PRDM16: variants seen among roughly 807,000 people sequenced by gnomAD.
PRDM16 encodes histone-lysine N-methyltransferase PRDM16.
Under a neutral mutation model 110.6 loss-of-function variants are expected in PRDM16, and 23 were observed. The ratio of observed to expected loss-of-function variants is 0.21; its 90% CI spans 0.15 to 0.29. The LOEUF is 0.29. PRDM16 is among the 10% of genes least tolerant of loss of function. PRDM16 has a pLI of 1.00. For synonymous variants in PRDM16, 799 were observed against 781.8 expected, an observed-to-expected ratio of 1.02 and a Z score of -0.37; for missense variants, 1,615 against 1,794.3, an observed-to-expected ratio of 0.90 and a Z score of 1.81.
intron 3 of PRDM16, among the ~76,000 whole-genome samples, chr1:3,376,329 C>G (rs1642989592): frequency 6.6e-6 from 1 of 152,178 alleles, no homozygotes; most frequent in African/African-American, 2.4e-5. Context: ...CAGATCTGCC[C>G]AGCACTGACA....
At position 3,435,637 on chromosome 1, in the gene PRDM16, C is replaced by T. The variant is rs1281497108; in HGVS notation, c.*1826C>T. The T allele has an allele frequency of 1.3e-5, 3 of 232,974 alleles. No homozygotes were observed. The highest frequency in any genetic ancestry group is 2.5e-5 in the Non-Finnish European group (3 of 117,916). The allele number at this position is 232,974 out of a possible 1,614,324, so 14.4% of individuals were successfully genotyped here. A position where few individuals can be genotyped will look rare whatever the true frequency, so the allele number is the denominator to read the frequency against. Reference sequence around the variant, plus strand: ...TAAATACAAACAGGAGTGGTGCAAGCCGCCTTGGTGTGGGTTTGTGTCACG... The same window carrying T: ...TAAATACAAACAGGAGTGGTGCAAGTCGCCTTGGTGTGGGTTTGTGTCACG... On this transcript the variant is annotated 3_prime_UTR_variant, in exon 17 of 17. Coordinates refer to ENST00000270722, the MANE Select transcript of PRDM16 (RefSeq NM_022114.4).
chr1:3,426,058 G>A lies in PRDM16; in HGVS notation c.3117G>A (p.Gln1039=), dbSNP rs753054344. The change falls in exon 14 of 17, where the codon CAG becomes CAA. Residue 1039 remains glutamine, a synonymous_variant. Transcript: ENST00000270722. ...KHEHENAPVS[Q]HPGVLTNHLG... ...GCTCCCGCCCCTCCGCAGTGAGCCAGCACCCCGGGGTCCTCACGAACCACC... is the reference window on the plus strand; with the variant it reads ...GCTCCCGCCCCTCCGCAGTGAGCCAACACCCCGGGGTCCTCACGAACCACC... 2.5e-6 allele frequency: 4 copies of A among 1,612,428 alleles called. No homozygotes were observed. Among genetic ancestry groups the A allele is most frequent in the Admixed American group, 1.7e-5 (1 of 59,858 alleles).
chr1:3,098,700 G>T (rs921920468), intron 1 of PRDM16, among the ~76,000 whole-genome samples: 1 of 152,230 alleles, frequency 6.6e-6, no homozygotes, highest in Non-Finnish European at 1.5e-5. Context: ...GGTCTACACG[G>T]GGGTGCTGTT....
At chr1:3,322,533 C>A (rs1641784571) in intron 3 of PRDM16, among the ~76,000 whole-genome samples, 1 of 151,964 alleles carries the variant, frequency 6.6e-6, no homozygotes, top group African/African-American at 2.4e-5. Context: ...CACCCCCACT[C>A]TGAGGCCAGT....
intron 16 of PRDM16, among the ~76,000 whole-genome samples, chr1:3,432,709 A>C (rs574304664): frequency 6.6e-6 from 1 of 152,282 alleles, no homozygotes; most frequent in Non-Finnish European, 1.5e-5. Context: ...GCCCTCCCAG[A>C]GGGAACAGGC....
intron 1 of PRDM16, among the ~76,000 whole-genome samples, chr1:3,102,994 C>T (rs1437600678): frequency 6.6e-6 from 1 of 152,196 alleles, no homozygotes; most frequent in African/African-American, 2.4e-5. Context: ...AAGATGTGAT[C>T]CTGTGTGCAC....
At chr1:3,156,997 C>T (rs956993752) in intron 1 of PRDM16, among the ~76,000 whole-genome samples, 4 of 152,218 alleles carry the variant, frequency 2.6e-5, no homozygotes, top group Non-Finnish European at 5.9e-5. Flanking sequence ...GTGGTGCAAG[C>T]TGTAAGCCAG....
At chr1:3,331,349 C>T (rs1642038326) in intron 3 of PRDM16, among the ~76,000 whole-genome samples, 1 of 152,170 alleles carries the variant, frequency 6.6e-6, no homozygotes, top group Admixed American at 6.5e-5. Flanking sequence ...CCCTTCATCC[C>T]CGAGTCCATT....
intron 1 of PRDM16, among the ~76,000 whole-genome samples, chr1:3,086,128 C>CTGTT (rs55740340): frequency 0.87 from 131,951 of 151,954 alleles, 57,387 homozygotes; most frequent in East Asian, 0.98. Context: ...TGCAAGGTCT[C>CTGTT]TGTCTACACA....
At chr1:3,082,837 C>T (rs545665561) in intron 1 of PRDM16, among the ~76,000 whole-genome samples, 6 of 152,342 alleles carry the variant, frequency 3.9e-5, no homozygotes, top group South Asian at 2.1e-4. Context: ...GCGATGGGGC[C>T]GGCGCCTGGG....
chr1:3,071,521 G>A (rs1023165689), intron 1 of PRDM16, among the ~76,000 whole-genome samples: 3 of 152,260 alleles, frequency 2.0e-5, no homozygotes, highest in African/African-American at 7.2e-5. Context: ...GCTTGTCCCA[G>A]GCCCCCCAAG....
At chr1:3,288,126 GACAA>G (rs1413915158) in intron 3 of PRDM16, among the ~76,000 whole-genome samples, 8 of 152,250 alleles carry the variant, frequency 5.3e-5, no homozygotes, top group Non-Finnish European at 2.9e-5. Context: ...CACAGCGCAT[GACAA>G]ACAGAGTGCC....
At chr1:3,096,992 C>G (rs887891976) in intron 1 of PRDM16, among the ~76,000 whole-genome samples, 1 of 152,196 alleles carries the variant, frequency 6.6e-6, no homozygotes, top group Non-Finnish European at 1.5e-5. Flanking sequence ...AGTAGAGTCT[C>G]GGCTCCCTCT....
chr1:3,313,293 G>A (rs575692073), intron 3 of PRDM16, among the ~76,000 whole-genome samples: 8 of 152,344 alleles, frequency 5.3e-5, no homozygotes, highest in African/African-American at 1.7e-4. Flanking sequence ...CCCACTCGCC[G>A]TCACGATGAG....
rs759796510 is a variant in PRDM16 at position 3,186,332 on chromosome 1, C to T, written c.245C>T (p.Ala82Val). Residue 82 changes from alanine to valine, a missense_variant, in exon 2 of 17, where the codon GCA becomes GTA. Physicochemically the swap from Ala to Val is moderately conservative, Grantham distance 64. Coordinates refer to ENST00000270722, the MANE Select transcript of PRDM16 (RefSeq NM_022114.4). ...VYIPEDIPIPADFELRESSIP... is the reference protein window; with the variant it reads ...VYIPEDIPIPVDFELRESSIP... ...ATTCCTGAAGACATTCCGATCCCAGCAGACTTCGAGCTCCGAGAGTCCTCC... is the reference window on the plus strand; with the variant it reads ...ATTCCTGAAGACATTCCGATCCCAGTAGACTTCGAGCTCCGAGAGTCCTCC... 5.6e-6 allele frequency: 9 copies of T among 1,612,316 alleles called. No individual in the cohort carries two copies. Among genetic ancestry groups the T allele is most frequent in the Non-Finnish European group, 7.6e-6 (9 of 1,179,760 alleles).
intron 12 of PRDM16, among the ~76,000 whole-genome samples, chr1:3,422,448 G>A (rs976695640): frequency 1.2e-4 from 19 of 152,366 alleles, no homozygotes; most frequent in Middle Eastern, 3.4e-3. Context: ...CCCCAGCTGG[G>A]TGGGAAGCCT....
chr1:3,110,764 GGAGA>G lies in PRDM16; in HGVS notation c.37+41471_37+41474del, dbSNP rs1177048890. 3.3e-5 allele frequency among the ~76,000 whole-genome samples: 5 copies of G among 152,350 alleles called. No individual in the cohort carries two copies. In the East Asian group the frequency reaches 9.6e-4, roughly 29 times the overall value. ...TGAGTTGTGGGCTTCCTGTGGTCCT[GGAGA>G]GAATGTTCCGGCTCAGCCTCTCTTT... On this transcript the variant is annotated intron_variant, in intron 1 of 16. Coordinates refer to ENST00000270722, the MANE Select transcript of PRDM16 (RefSeq NM_022114.4).
intron 1 of PRDM16, among the ~76,000 whole-genome samples, chr1:3,088,391 A>T (rs1283814462): frequency 6.6e-6 from 1 of 152,166 alleles, no homozygotes; most frequent in Non-Finnish European, 1.5e-5. Context: ...GAAACCAGTA[A>T]CAACCCCCCC....
intron 2 of PRDM16, among the ~76,000 whole-genome samples, chr1:3,232,971 C>G (rs1639450683): frequency 1.3e-5 from 2 of 152,222 alleles, no homozygotes; most frequent in Non-Finnish European, 2.9e-5. Flanking sequence ...GATCAATCAG[C>G]AGAGTCAGGT....
Sources: gnomAD v4.1 joint callset for allele counts (sites outside exome capture counted in the v4.1 genomes callset) on GRCh38, gnomAD v4.1.1 for gene constraint, MANE v1.5 for transcripts, NCBI Gene and HGNC (gene_info 2026-07-23, HGNC 2026-07-21) for gene names.